Variants in CSF1R observed in about 807,000 individuals in gnomAD.
CSF1R encodes the protein colony stimulating factor 1 receptor.
CSF1R carries 40 observed loss-of-function variants against 110.0 expected under a neutral mutation model. The observed-to-expected ratio is 0.36, with a 90% CI of 0.28 to 0.47. The LOEUF is 0.47. CSF1R is among the 20% of genes least tolerant of loss of function. The pLI is 0.99. For missense variants in CSF1R, 1,052 were observed against 1,253.0 expected, an observed-to-expected ratio of 0.84 and a Z score of 2.42; for synonymous variants, 523 against 503.4, an observed-to-expected ratio of 1.04 and a Z score of -0.52.
intron 5 of CSF1R, among the ~76,000 whole-genome samples, chr5:150,074,668 C>T (rs968422296): frequency 1.3e-5 from 2 of 152,146 alleles, no homozygotes; most frequent in Non-Finnish European, 2.9e-5. Flanking sequence ...CTAAGAGCTC[C>T]TCTCCTTACT....
At chr5:150,076,342 C>A (rs1024267140) in intron 5 of CSF1R, among the ~76,000 whole-genome samples, 2 of 140,742 alleles carry the variant, frequency 1.4e-5, no homozygotes, top group Non-Finnish European at 3.0e-5. Context: ...ATCTATCTAT[C>A]TATCTATCTA....
At chr5:150,080,597 C>T (rs924471494) in intron 2 of CSF1R, among the ~76,000 whole-genome samples, 170 bp downstream of exon 2, 4 of 152,222 alleles carry the variant, frequency 2.6e-5, no homozygotes, top group Non-Finnish European at 5.9e-5. Flanking sequence ...ATAGACCCGA[C>T]TTGCAGGGTT....
At chr5:150,086,668 G>T, upstream of CSF1R, 1 of 482,996 alleles carries the variant, frequency 2.1e-6, no homozygotes, top group Non-Finnish European at 3.7e-6. Context: ...ACAAAGCCTT[G>T]AACCCAAGAG....
chr5:150,080,047 C>T lies in CSF1R; in HGVS notation c.592+5G>A, dbSNP rs528081931. On this transcript the variant is annotated splice_donor_5th_base_variant and intron_variant, in intron 3 of 20. Transcript: ENST00000675795. ...CCTGGCTGCCGGTCCCCATGCCCCA[C>T]GCACCTTTCTGCACTTTCAGCCGGA... 4.2e-5 allele frequency: 68 copies of T among 1,611,618 alleles called. 1 individual carries two copies. The South Asian group carries it at 5.6e-4, about 13-fold the overall frequency.
At chr5:150,081,695 C>CATTT (rs1490407721) in intron 1 of CSF1R, among the ~76,000 whole-genome samples, 1 of 152,162 alleles carries the variant, frequency 6.6e-6, no homozygotes, top group Non-Finnish European at 1.5e-5. Flanking sequence ...CACCTGTCAC[C>CATTT]AAATAAATGG....
At position 150,053,867 on chromosome 5, in the gene CSF1R, G is replaced by C; in HGVS notation, c.*202C>G. 1 of 614,080 alleles carries C rather than the reference G, an allele frequency of 1.6e-6. No individual in the cohort carries two copies. The highest frequency in any genetic ancestry group is 2.9e-6 in the Non-Finnish European group (1 of 346,630). 38.0% of individuals were successfully genotyped at this position (614,080 alleles called of 1,614,324 possible). On this transcript the variant is annotated 3_prime_UTR_variant, in exon 21 of 21. Coordinates refer to ENST00000675795, the MANE Select transcript of CSF1R (RefSeq NM_001288705.3). ...GGTGAGGGCTCAGCCCCCAGCCCCT[G>C]ACTGGCAGTGATGGCCCATGCTCAG...
rs1315194320 is a variant in CSF1R, at chr5:150,070,081, T to A, written c.1320-18A>T. 6 of 1,612,024 alleles carry A rather than the reference T, an allele frequency of 3.7e-6. No individual in the cohort carries two copies. The highest frequency in any genetic ancestry group is 5.1e-6 in the Non-Finnish European group (6 of 1,178,614). On this transcript the variant is annotated intron_variant, in intron 8 of 20. Transcript: ENST00000675795. ...CATCACACCTGGCAAAAGCAGAATG[T>A]GGCTCAGAGCTTCAGGGTTCCCAGC... is the stretch of plus-strand genomic sequence containing the variant.
In CSF1R at chr5:150,102,625, G is replaced by A. The variant is rs563593346; in HGVS notation, c.-181+10636C>T. 7.9e-5 allele frequency among the ~76,000 whole-genome samples: 12 copies of A among 152,092 alleles called. 1 individual carries two copies. The highest frequency in any genetic ancestry group is 5.8e-4 in the East Asian group (3 of 5,170). On this transcript the variant is annotated intron_variant, in intron 1 of 21. Coordinates refer to the CSF1R transcript ENST00000286301. The stretch of plus-strand genomic sequence containing the variant: ...CTCCCGAGTAGCTGGGATTACAGGC[G>A]CCCACCACCACGGCCAATTAATTTT...
At chr5:150,066,490 G>A (rs189751024) in intron 10 of CSF1R, among the ~76,000 whole-genome samples, 29 of 152,326 alleles carry the variant, frequency 1.9e-4, no homozygotes, top group East Asian at 9.7e-4. Context: ...AGAACACCCA[G>A]ACCCATGGTA....
intron 10 of CSF1R, among the ~76,000 whole-genome samples, chr5:150,065,451 C>CT (rs899876946): frequency 1.3e-5 from 2 of 152,224 alleles, no homozygotes; most frequent in Non-Finnish European, 2.9e-5. Context: ...CCCCCACGGC[C>CT]CCCCTTGTGG....
In CSF1R at chr5:150,100,579, T is replaced by C. The variant is rs1487506327; in HGVS notation, c.-181+12682A>G. On this transcript the variant is annotated intron_variant, in intron 1 of 21. Coordinates refer to the CSF1R transcript ENST00000286301. ...TACAGAAATGAACTCCCTTACCAAG[T>C]GTTGGCTAAGATTTGGAGCAACAGG... Among the ~76,000 whole-genome samples, 6 of 152,182 alleles carry C rather than the reference T, an allele frequency of 3.9e-5. No homozygotes were observed. In the South Asian group the frequency reaches 1.2e-3, roughly 32 times the overall value.
At chr5:150,083,061 G>A (rs1156699587) in intron 1 of CSF1R, among the ~76,000 whole-genome samples, 1 of 152,038 alleles carries the variant, frequency 6.6e-6, no homozygotes, top group African/African-American at 2.4e-5. Flanking sequence ...TATTGTCCCA[G>A]GTATTCACGC....
At chr5:150,054,716 G>A (rs555323555) in intron 19 of CSF1R, 5 of 372,512 alleles carry the variant, frequency 1.3e-5, no homozygotes, top group Admixed American at 8.6e-5. Context: ...GACAGGTGCA[G>A]TGGCTCATTC....
At position 150,068,238 on chromosome 5, in the gene CSF1R, G is replaced by T. The variant is rs143156748; in HGVS notation, c.1603C>A (p.Leu535Met). ...ACCTGCTTATACTTGTACAATAGCA[G>T]CAGGAGCAGCAGCAGCAGCAAGGCC... is the stretch of plus-strand genomic sequence containing the variant. ...IMALLLLLLLLLLYKYKQKPK... is the reference protein window; with the variant it reads ...IMALLLLLLLMLLYKYKQKPK... The change falls in exon 10 of 21, where the codon CTG becomes ATG. Residue 535 changes from leucine (L) to methionine (M), a missense_variant. Coordinates refer to ENST00000675795, the MANE Select transcript of CSF1R (RefSeq NM_001288705.3). The T allele has an allele frequency of 1.9e-6, 3 of 1,612,042 alleles. No individual in the cohort carries two copies. Among genetic ancestry groups the T allele is most frequent in the Non-Finnish European group, 2.5e-6 (3 of 1,179,878 alleles).
intron 14 of CSF1R, among the ~76,000 whole-genome samples, chr5:150,057,956 G>A (rs1027674254): frequency 6.6e-6 from 1 of 152,134 alleles, no homozygotes; most frequent in Non-Finnish European, 1.5e-5. Context: ...AGGGCCCCTT[G>A]TGCCCTCTCT....
chr5:150,078,430 C>T (rs1025993479), intron 3 of CSF1R, among the ~76,000 whole-genome samples, 182 bp from the exon 4 acceptor site: 3 of 152,072 alleles, frequency 2.0e-5, no homozygotes, highest in Non-Finnish European at 2.9e-5. Flanking sequence ...CCTAAAGAGA[C>T]CTTGGAAAGT....
chr5:150,079,351 T>A (rs999207488), intron 3 of CSF1R, among the ~76,000 whole-genome samples: 1 of 152,228 alleles, frequency 6.6e-6, no homozygotes, highest in African/African-American at 2.4e-5. Context: ...GACTGATTGC[T>A]GTCTCAAGCC....
At chr5:150,078,911 C>T (rs1451372829) in intron 3 of CSF1R, among the ~76,000 whole-genome samples, 2 of 152,218 alleles carry the variant, frequency 1.3e-5, no homozygotes, top group Admixed American at 1.3e-4. Context: ...CCCGCCACTC[C>T]CCAGCTTGGT....
rs1227019832 is a variant in CSF1R, at chr5:150,053,366, T to C, written c.*703A>G. The stretch of plus-strand genomic sequence containing the variant: ...TGACTGTTAGTTAGGATGAGTCAGC[T>C]TGGGGGAGTTTGTGCTTCCTGCTTG... On this transcript the variant is annotated 3_prime_UTR_variant, in exon 21 of 21. Transcript: ENST00000675795. 5 of 233,894 alleles carry C rather than the reference T, an allele frequency of 2.1e-5. No individual in the cohort carries two copies. Among genetic ancestry groups the C allele is most frequent in the South Asian group, 3.6e-4 (2 of 5,546 alleles). The allele number at this position is 233,894 out of a possible 1,614,324, so 14.5% of individuals were successfully genotyped here. A position where few individuals can be genotyped will look rare whatever the true frequency, so the allele number is the denominator to read the frequency against.
Sources: gnomAD v4.1 joint callset for allele counts (sites outside exome capture counted in the v4.1 genomes callset) on GRCh38, gnomAD v4.1.1 for gene constraint, MANE v1.5 for transcripts, NCBI Gene and HGNC (gene_info 2026-07-23, HGNC 2026-07-21) for gene names.